Variants in C10orf71 observed in about 807,000 individuals in gnomAD.
The protein encoded by C10orf71 is cardiac-enriched FHL2-interacting protein.
For missense variants in C10orf71, 1,869 were observed against 1,804.5 expected (o/e 1.04, Z -0.65); for synonymous variants, 758 against 726.3 (o/e 1.04, Z -0.70).
chr10:49,302,547 T>A lies in C10orf71; in HGVS notation c.-248+3314T>A, dbSNP rs578181750. ...CAACCATCCAGCACGGTAGGTCTTG[T>A]GAGCCCCCTCACGGAGGCAGGCGCC... is the stretch of plus-strand genomic sequence containing the variant. On this transcript the variant is annotated intron_variant, in intron 1 of 2. Transcript: ENST00000374144. 4.5e-4 allele frequency among the ~76,000 whole-genome samples: 69 copies of A among 152,328 alleles called. No homozygotes were observed. In the South Asian group the frequency reaches 5.0e-3, roughly 11 times the overall value.
rs1348539265 is a variant in C10orf71 at position 49,323,398 on chromosome 10, C to T, written c.853C>T (p.Pro285Ser). The change falls in exon 3 of 3, where the codon CCA becomes TCA. Residue 285 changes from proline (P) to serine (S), a missense_variant. Coordinates refer to ENST00000374144, the MANE Select transcript of C10orf71 (RefSeq NM_001135196.2). ...SAFESWNAHQ[P>S]KLLERKDTAG... ...TTTTGAGTCATGGAATGCCCACCAA[C>T]CAAAGCTGCTGGAGAGAAAGGACAC... The T allele has an allele frequency of 6.2e-7, 1 of 1,613,984 alleles. No individual in the cohort carries two copies. Among genetic ancestry groups the T allele is most frequent in the Non-Finnish European group, 8.5e-7 (1 of 1,179,890 alleles).
Position 49,325,477 on chromosome 10 carries a change from C to A in C10orf71, c.2932C>A (p.Pro978Thr), listed in dbSNP as rs1225285076. The A allele has an allele frequency of 6.4e-7, 1 of 1,550,626 alleles. No individual in the cohort carries two copies. Residue 978 changes from proline (P) to threonine (T), a missense_variant, in exon 3 of 3, where the codon CCT becomes ACT. Pro to Thr is a conservative substitution (Grantham distance 38). Transcript: ENST00000374144. ...GGTGAAGGCACCACCAGATGCTGCA[C>A]CTGGCCTCGTGGCAAGCAATTGCAA... ...DRVKAPPDAA[P>T]GLVASNCKSG...
chr10:49,312,681 C>T (rs1197375015), intron 1 of C10orf71, among the ~76,000 whole-genome samples: 1 of 152,196 alleles, frequency 6.6e-6, no homozygotes, highest in African/African-American at 2.4e-5. Context: ...GACAGAAACG[C>T]AATCCAGACA....
chr10:49,299,809 G>A (rs1402748904), intron 1 of C10orf71, among the ~76,000 whole-genome samples: 5 of 152,348 alleles, frequency 3.3e-5, no homozygotes, highest in African/African-American at 7.2e-5. Context: ...ATTCAGGGCT[G>A]AGGGAGGCTG....
intron 1 of C10orf71, among the ~76,000 whole-genome samples, chr10:49,300,001 G>A (rs1367842005): frequency 2.6e-5 from 4 of 152,238 alleles, no homozygotes; most frequent in African/African-American, 9.6e-5. Flanking sequence ...GACTCCCACA[G>A]GGTATGCTTG....
chr10:49,302,676 C>G (rs1304538946), intron 1 of C10orf71, among the ~76,000 whole-genome samples: 1 of 152,192 alleles, frequency 6.6e-6, no homozygotes, highest in Non-Finnish European at 1.5e-5. Context: ...CTCCTGATAC[C>G]CAGAGCTCCC....
In C10orf71 at chr10:49,326,444, A is replaced by G. The variant is rs1447462576; in HGVS notation, c.3899A>G (p.Tyr1300Cys). The change falls in exon 3 of 3, where the codon TAT becomes TGT. Residue 1300 changes from tyrosine (Y) to cysteine (C), a missense_variant. Coordinates refer to ENST00000374144, the MANE Select transcript of C10orf71 (RefSeq NM_001135196.2). Reference sequence around the variant, plus strand: ...CTCCAGGTGAAAATCAAGACCTTCTATGACCCAGAGACGGGCAAGTATGTC... The same window carrying G: ...CTCCAGGTGAAAATCAAGACCTTCTGTGACCCAGAGACGGGCAAGTATGTC... ...LPLQVKIKTF[Y>C]DPETGKYVKV... 5 of 1,550,308 alleles carry G rather than the reference A, an allele frequency of 3.2e-6. No homozygotes were observed. In the East Asian group the frequency reaches 9.8e-5, roughly 30 times the overall value.
At chr10:49,319,771 T>TAA (rs1554859406) in intron 2 of C10orf71, among the ~76,000 whole-genome samples, 1 of 141,168 alleles carries the variant, frequency 7.1e-6, no homozygotes, top group Non-Finnish European at 1.5e-5. Flanking sequence ...TATATGTATA[T>TAA]CACACACACA....
Position 49,325,179 on chromosome 10 carries a change from C to A in C10orf71, c.2634C>A (p.Thr878=). The change falls in exon 3 of 3, where the codon ACC becomes ACA. Residue 878 remains threonine, a synonymous_variant. Transcript: ENST00000374144. ...CTATCATGCTGCCTCTCCTGAGGAC[C>A]ATGTCCTTGGAGGACTCCCTCAGCA... ...IKPIMLPLLR[T]MSLEDSLSSG... 6.4e-7 allele frequency: 1 copy of A among 1,552,092 alleles called. No individual in the cohort carries two copies. Among genetic ancestry groups the A allele is most frequent in the Non-Finnish European group, 8.7e-7 (1 of 1,147,066 alleles).
upstream of C10orf71, among the ~76,000 whole-genome samples, chr10:49,297,494 T>A (rs542625252): frequency 6.6e-6 from 1 of 152,202 alleles, no homozygotes; most frequent in Non-Finnish European, 1.5e-5. Context: ...AGGAAAATAG[T>A]AAGTAAATGT....
rs76985318 is a variant in C10orf71 at position 49,307,549 on chromosome 10, C to G, written c.-248+8316C>G. On this transcript the variant is annotated intron_variant, in intron 1 of 2. Transcript: ENST00000374144. ...AGGTTAGCCTTTGTGGAGTGAGACT[C>G]TACCCAAGTTTAAGCAGTGCGAGCT... is the stretch of plus-strand genomic sequence containing the variant. Among the ~76,000 whole-genome samples, 980 of 152,342 alleles carry G rather than the reference C, an allele frequency of 6.4e-3. 14 individuals are homozygous for G. Among genetic ancestry groups the G allele is most frequent in the African/African-American group, 0.023 (947 of 41,584 alleles).
chr10:49,300,934 C>T (rs1022436488), intron 1 of C10orf71, among the ~76,000 whole-genome samples: 1 of 152,162 alleles, frequency 6.6e-6, no homozygotes, highest in African/African-American at 2.4e-5. Context: ...TGAGAGTAGA[C>T]AGGAAGGCCA....
intron 2 of C10orf71, among the ~76,000 whole-genome samples, chr10:49,317,858 T>C (rs1849025635): frequency 6.6e-6 from 1 of 151,966 alleles, no homozygotes; most frequent in Non-Finnish European, 1.5e-5. Flanking sequence ...TTTTTAATAA[T>C]TGGAAAATTT....
chr10:49,316,020 C>T (rs35421978), intron 1 of C10orf71, 125 bp from the exon 2 acceptor site: 3,947 of 152,298 alleles, frequency 0.026, 84 homozygotes, highest in Non-Finnish European at 0.039. Flanking sequence ...CACACCACTG[C>T]GCTCCAACCT....
rs1452661280 is a variant in C10orf71 at position 49,325,461 on chromosome 10, A to T, written c.2916A>T (p.Ala972=). 5 of 1,550,376 alleles carry T rather than the reference A, an allele frequency of 3.2e-6. No individual in the cohort carries two copies. The highest frequency in any genetic ancestry group is 8.7e-7 in the Non-Finnish European group (1 of 1,146,130). The change falls in exon 3 of 3, where the codon GCA becomes GCT. Residue 972 remains alanine, a synonymous_variant. Transcript: ENST00000374144. ...TGGGAGAGGGGGACCGGGTGAAGGCACCACCAGATGCTGCACCTGGCCTCG... is the reference window on the plus strand; with the variant it reads ...TGGGAGAGGGGGACCGGGTGAAGGCTCCACCAGATGCTGCACCTGGCCTCG... ...PLVGEGDRVK[A]PPDAAPGLVA...
At chr10:49,314,756 C>A (rs915984535) in intron 1 of C10orf71, among the ~76,000 whole-genome samples, 1 of 152,192 alleles carries the variant, frequency 6.6e-6, no homozygotes, top group Non-Finnish European at 1.5e-5. Context: ...ATGGGCTGAT[C>A]TGAATTTTTT....
intron 1 of C10orf71, chr10:49,299,579 A>C (rs1406956319): frequency 6.6e-6 from 1 of 152,572 alleles, no homozygotes; most frequent in Non-Finnish European, 1.5e-5. Flanking sequence ...GGTGCTGTGC[A>C]GGGTGGTATG....
chr10:49,324,608 T>C lies in C10orf71; in HGVS notation c.2063T>C (p.Leu688Pro), dbSNP rs1310830158. The C allele has an allele frequency of 6.2e-7, 1 of 1,613,818 alleles. No individual in the cohort carries two copies. ...QETEPEREAG[L>P]QNTHLNQKFF... Reference sequence around the variant, plus strand: ...ACAGAACCTGAGAGGGAAGCAGGACTTCAGAACACACATTTGAACCAGAAA... The same window carrying C: ...ACAGAACCTGAGAGGGAAGCAGGACCTCAGAACACACATTTGAACCAGAAA... The change falls in exon 3 of 3, where the codon CTT becomes CCT. Residue 688 changes from leucine to proline, a missense_variant. Coordinates refer to ENST00000374144, the MANE Select transcript of C10orf71 (RefSeq NM_001135196.2).
chr10:49,322,829 G>A lies in C10orf71; in HGVS notation c.284G>A (p.Trp95Ter). ...TCACAGGGCACGGAACATTCGGGCT[G>A]GGCGGCCACCTTCCAACAGCTACCC... The part of the protein sequence containing the change: ...LPSQGTEHSG[W>*]AATFQQLPKY... The change falls in exon 3 of 3, where the codon TGG (tryptophan) becomes TAG (stop). Residue 95 changes from tryptophan to a stop codon, truncating the protein, a stop_gained. Coordinates refer to ENST00000374144, the MANE Select transcript of C10orf71 (RefSeq NM_001135196.2). LOFTEE classifies it low-confidence loss of function (END_TRUNC). The A allele has an allele frequency of 6.2e-7, 1 of 1,613,944 alleles. No individual in the cohort carries two copies.
Sources: gnomAD v4.1 joint callset for allele counts (sites outside exome capture counted in the v4.1 genomes callset) on GRCh38, gnomAD v4.1.1 for gene constraint, MANE v1.5 for transcripts, NCBI Gene and HGNC (gene_info 2026-07-23, HGNC 2026-07-21) for gene names.